Variants in DGKB observed in about 807,000 individuals in gnomAD.
DGKB encodes 90 kDa diacylglycerol kinase.
A neutral mutation model predicts 114.3 loss-of-function variants in DGKB; 67 were observed. The observed-to-expected ratio is 0.59, with a 90% CI of 0.48 to 0.72. The LOEUF (loss-of-function observed/expected upper bound fraction) is 0.72, where lower values mean the gene tolerates loss of function less well. DGKB is among the 30% of genes least tolerant of loss of function. The probability of loss-of-function intolerance (pLI) is 0.00; values close to 1 mark genes in which losing one functional copy is unlikely to be tolerated. For missense variants in DGKB, 907 were observed against 975.2 expected (o/e 0.93, Z 0.93); for synonymous variants, 398 against 323.1 (o/e 1.23, Z -2.49).
intron 21 of DGKB, among the ~76,000 whole-genome samples, chr7:14,400,842 G>A (rs772526081): frequency 2.1e-4 from 32 of 151,772 alleles, no homozygotes; most frequent in Admixed American, 4.6e-4. Flanking sequence ...CCAAGAGGGA[G>A]AGACCTCTTA....
At position 14,926,098 on chromosome 7, in the gene DGKB, C is replaced by T. The variant is rs1249930203; in HGVS notation, c.-188+48598G>A. On this transcript the variant is annotated intron_variant, in intron 1 of 4. Transcript: ENST00000437998. ...ATCCTAGTTTGCAGGGAGTTTTTAT[C>T]ATGAATAGATTTTTTTCAAACACTT... Among the ~76,000 whole-genome samples, 4 of 151,986 alleles carry T rather than the reference C, an allele frequency of 2.6e-5. No homozygotes were observed. In the East Asian group the frequency reaches 7.7e-4, roughly 29 times the overall value.
chr7:14,176,317 G>C, intron 25 of DGKB: 3 of 944,474 alleles, frequency 3.2e-6, no homozygotes, highest in Non-Finnish European at 3.8e-6. Context: ...GAGAGGGGCA[G>C]TGTCTGCCTT....
intron 2 of DGKB, among the ~76,000 whole-genome samples, chr7:14,802,297 T>C (rs1034873867): frequency 1.3e-5 from 2 of 152,158 alleles, no homozygotes; most frequent in African/African-American, 4.8e-5. Flanking sequence ...GGCTTTCTCA[T>C]GTTTTCTTTT....
At chr7:14,734,920 A>G (rs1831485039) in intron 5 of DGKB, among the ~76,000 whole-genome samples, 1 of 151,940 alleles carries the variant, frequency 6.6e-6, no homozygotes, top group African/African-American at 2.4e-5. Flanking sequence ...AGGGCGCTAG[A>G]GAGAGACGAG....
intron 20 of DGKB, among the ~76,000 whole-genome samples, chr7:14,523,843 C>T (rs1469539023): frequency 1.3e-5 from 2 of 152,082 alleles, no homozygotes; most frequent in Non-Finnish European, 2.9e-5. Context: ...TACTTAATAG[C>T]TATGTGATTT....
chr7:14,869,064 G>T (rs1852091578), intron 1 of DGKB, among the ~76,000 whole-genome samples: 1 of 152,000 alleles, frequency 6.6e-6, no homozygotes, highest in Non-Finnish European at 1.5e-5. Context: ...TCCAAACATT[G>T]TCAGAATTCT....
intron 2 of DGKB, among the ~76,000 whole-genome samples, chr7:14,826,063 ACATCGCTCTGGGGCTTG>A (rs1229280518): frequency 1.1e-4 from 16 of 152,304 alleles, no homozygotes; most frequent in Admixed American, 2.0e-4. Flanking sequence ...GATTTTGCCT[ACATCGCTCTGGGGCTTG>A]CACGAAGTAG....
At chr7:14,455,867 C>A (rs1447776925) in intron 21 of DGKB, among the ~76,000 whole-genome samples, 1 of 151,958 alleles carries the variant, frequency 6.6e-6, no homozygotes, top group Non-Finnish European at 1.5e-5. Context: ...AAAATCAACT[C>A]CAAGGCAATG....
At chr7:14,245,048 C>G (rs75808861) in intron 23 of DGKB, among the ~76,000 whole-genome samples, 1 of 152,000 alleles carries the variant, frequency 6.6e-6, no homozygotes, top group Admixed American at 6.6e-5. Context: ...GTATGCAGTA[C>G]TTTTTGAATG....
chr7:14,752,612 C>A (rs902487014), intron 4 of DGKB, among the ~76,000 whole-genome samples: 11 of 152,136 alleles, frequency 7.2e-5, no homozygotes, highest in Non-Finnish European at 1.3e-4. Context: ...TCTTTCTATT[C>A]TGTAACTGCA....
intron 23 of DGKB, among the ~76,000 whole-genome samples, chr7:14,204,710 C>G (rs376662831): frequency 6.6e-6 from 1 of 151,938 alleles, no homozygotes. Flanking sequence ...ATAGCCAAGA[C>G]CTGTGTTGTC....
At chr7:14,588,476 T>C (rs992079744) in intron 17 of DGKB, among the ~76,000 whole-genome samples, 1 of 151,996 alleles carries the variant, frequency 6.6e-6, no homozygotes, top group Non-Finnish European at 1.5e-5. Flanking sequence ...TCAGTTTTAC[T>C]TTTGACATAG....
At chr7:14,277,691 C>A (rs944733933) in intron 23 of DGKB, among the ~76,000 whole-genome samples, 2 of 152,196 alleles carry the variant, frequency 1.3e-5, no homozygotes, top group Admixed American at 6.5e-5. Flanking sequence ...GATTCCATAT[C>A]TTAACCACTG....
intron 25 of DGKB, among the ~76,000 whole-genome samples, chr7:14,155,842 G>A (rs1007911985): frequency 1.8e-4 from 28 of 152,090 alleles, no homozygotes; most frequent in African/African-American, 6.3e-4. Flanking sequence ...ACCTACTGTT[G>A]AGGGTGACGT....
intron 13 of DGKB, among the ~76,000 whole-genome samples, chr7:14,651,248 A>C (rs913877119): frequency 6.0e-4 from 91 of 152,350 alleles, no homozygotes; most frequent in African/African-American, 2.1e-3. Context: ...AAAAATCCTC[A>C]ATAAAATACT....
At chr7:14,834,713 G>A (rs559491382) in intron 2 of DGKB, among the ~76,000 whole-genome samples, 25 of 152,178 alleles carry the variant, frequency 1.6e-4, no homozygotes, top group African/African-American at 2.9e-4. Flanking sequence ...CTAAGACTTC[G>A]TACATTTTTC....
At chr7:14,734,067 G>A (rs946953688) in intron 5 of DGKB, among the ~76,000 whole-genome samples, 1 of 150,136 alleles carries the variant, frequency 6.7e-6, no homozygotes. Flanking sequence ...ATGGAGTCTC[G>A]CTCTGTTGCC....
At chr7:14,321,123 C>T (rs1173485731) in intron 23 of DGKB, among the ~76,000 whole-genome samples, 1 of 151,780 alleles carries the variant, frequency 6.6e-6, no homozygotes, top group African/African-American at 2.4e-5. Flanking sequence ...AATCCCTGTC[C>T]CTACAAAAAA....
intron 1 of DGKB, among the ~76,000 whole-genome samples, chr7:14,898,413 G>A (rs1782458853): frequency 6.6e-6 from 1 of 152,058 alleles, no homozygotes; most frequent in African/African-American, 2.4e-5. Context: ...GTTTGTAACT[G>A]TGACAAGTCA....
Sources: gnomAD v4.1 joint callset for allele counts (sites outside exome capture counted in the v4.1 genomes callset) on GRCh38, gnomAD v4.1.1 for gene constraint, MANE v1.5 for transcripts, NCBI Gene and HGNC (gene_info 2026-07-23, HGNC 2026-07-21) for gene names.